DISP1: variants seen among roughly 807,000 people sequenced by gnomAD.
The protein encoded by DISP1 is dispatched RND transporter family member 1, also known as protein dispatched homolog 1.
Under a neutral mutation model 37.3 loss-of-function variants are expected in DISP1, and 30 were observed. That is an observed-to-expected ratio of 0.80 (90% CI 0.60 to 1.09). The LOEUF (loss-of-function observed/expected upper bound fraction) is 1.09, where lower values mean the gene tolerates loss of function less well. Among genes scored for constraint, DISP1 ranks in the 50% least tolerant of loss-of-function variants. The pLI is 0.00. For synonymous variants in DISP1, 634 were observed against 690.2 expected (o/e 0.92, Z 1.28); for missense variants, 1,598 against 1,879.5 (o/e 0.85, Z 2.77).
At chr1:222,820,253 G>A (rs1162354906) in intron 1 of DISP1, among the ~76,000 whole-genome samples, 1 of 152,172 alleles carries the variant, frequency 6.6e-6, no homozygotes, top group Non-Finnish European at 1.5e-5. Flanking sequence ...TTACATTAGG[G>A]GAAGGATGAG....
At chr1:222,888,368 A>G (rs1364369585) in intron 1 of DISP1, among the ~76,000 whole-genome samples, 2 of 152,222 alleles carry the variant, frequency 1.3e-5, no homozygotes, top group Non-Finnish European at 2.9e-5. Flanking sequence ...TATACATTGA[A>G]CAAACCATCT....
chr1:222,908,753 A>G (rs970711243), intron 1 of DISP1, among the ~76,000 whole-genome samples: 1 of 152,272 alleles, frequency 6.6e-6, no homozygotes, highest in Admixed American at 6.5e-5. Flanking sequence ...TACTTTCTTC[A>G]TAACATAAAT....
chr1:222,940,336 C>T (rs1572567832), intron 2 of DISP1, among the ~76,000 whole-genome samples: 2 of 152,026 alleles, frequency 1.3e-5, no homozygotes, highest in Admixed American at 6.5e-5. Context: ...ACATGTGTCA[C>T]ATGCTTTTAA....
intron 1 of DISP1, among the ~76,000 whole-genome samples, chr1:222,862,763 G>A (rs930958892): frequency 2.6e-5 from 4 of 151,996 alleles, no homozygotes; most frequent in Admixed American, 1.3e-4. Context: ...CAACTTATGG[G>A]CTCAGGCAAC....
At chr1:222,950,570 G>A (rs1238101151) in intron 3 of DISP1, among the ~76,000 whole-genome samples, 7 of 151,998 alleles carry the variant, frequency 4.6e-5, no homozygotes, top group South Asian at 4.2e-4. Context: ...ACTGCACTCC[G>A]GCCTCGAGGA....
chr1:222,861,487 A>G (rs1198624866), intron 1 of DISP1, among the ~76,000 whole-genome samples: 2 of 152,212 alleles, frequency 1.3e-5, no homozygotes, highest in Non-Finnish European at 2.9e-5. Flanking sequence ...GAGATTATGT[A>G]ATGTTTAAGA....
chr1:222,976,352 G>C (rs1363439020), intron 3 of DISP1, among the ~76,000 whole-genome samples: 1 of 152,042 alleles, frequency 6.6e-6, no homozygotes, highest in Admixed American at 6.5e-5. Context: ...TGGACTCCCT[G>C]GCTAGCCTCC....
At chr1:222,910,543 A>G (rs1672153654) in intron 1 of DISP1, among the ~76,000 whole-genome samples, 2 of 152,170 alleles carry the variant, frequency 1.3e-5, no homozygotes, top group Non-Finnish European at 2.9e-5. Context: ...ATAATAGTGA[A>G]ATTGATTGAA....
intron 1 of DISP1, among the ~76,000 whole-genome samples, chr1:222,873,910 A>G (rs1027916925): frequency 2.0e-5 from 3 of 152,040 alleles, no homozygotes; most frequent in Admixed American, 6.6e-5. Flanking sequence ...AGTGGCTGGT[A>G]CCGGTTGTTC....
intron 1 of DISP1, among the ~76,000 whole-genome samples, chr1:222,885,171 A>G (rs1328777362): frequency 6.6e-6 from 1 of 152,206 alleles, no homozygotes; most frequent in Non-Finnish European, 1.5e-5. Flanking sequence ...TTCTACATTC[A>G]GTAATTGGAA....
intron 1 of DISP1, among the ~76,000 whole-genome samples, chr1:222,906,626 G>A (rs1450344846): frequency 1.3e-5 from 2 of 152,178 alleles, no homozygotes; most frequent in East Asian, 3.8e-4. Context: ...TCCCACCAGC[G>A]CCATGACAGT....
chr1:222,965,282 TAAG>T (rs1000439040), intron 3 of DISP1, among the ~76,000 whole-genome samples: 1 of 152,228 alleles, frequency 6.6e-6, no homozygotes, highest in African/African-American at 2.4e-5. Context: ...AGAATTATTT[TAAG>T]AATTTTAAAA....
chr1:222,838,288 T>C (rs1667371458), intron 1 of DISP1, among the ~76,000 whole-genome samples: 1 of 152,178 alleles, frequency 6.6e-6, no homozygotes, highest in Admixed American at 6.5e-5. Context: ...TCTTGGAGTT[T>C]ATGGGAAATT....
intron 1 of DISP1, among the ~76,000 whole-genome samples, chr1:222,863,375 C>G (rs1668992708): frequency 6.6e-6 from 1 of 152,004 alleles, no homozygotes. Context: ...CAAAAATTAG[C>G]TGGGCATAGT....
chr1:222,936,806 A>G (rs1288634320), intron 2 of DISP1, among the ~76,000 whole-genome samples: 1 of 54,410 alleles, frequency 1.8e-5, no homozygotes, highest in East Asian at 5.4e-4. Flanking sequence ...TATATTATAT[A>G]TATAAATTAT....
At position 222,972,996 on chromosome 1, in the gene DISP1, C is replaced by T. The variant is rs566611103; in HGVS notation, c.510-10084C>T. ...ATCAAATTACTTGGTATCACTTAAA[C>T]TGGCAGTGAATTAAACAGAATTAAC... On this transcript the variant is annotated intron_variant, in intron 3 of 8. Coordinates refer to ENST00000675850, the MANE Select transcript of DISP1 (RefSeq NM_001377229.1). 7.1e-4 allele frequency among the ~76,000 whole-genome samples: 108 copies of T among 152,276 alleles called. 1 individual carries two copies. The highest frequency in any genetic ancestry group is 1.1e-3 in the Non-Finnish European group (77 of 68,012).
chr1:222,971,102 C>T (rs903483600), intron 3 of DISP1, among the ~76,000 whole-genome samples: 5 of 151,780 alleles, frequency 3.3e-5, no homozygotes, highest in South Asian at 2.1e-4. Flanking sequence ...TTTTTATTAA[C>T]GCTGATTGTT....
chr1:222,919,659 T>G (rs1316424889), intron 1 of DISP1, among the ~76,000 whole-genome samples: 4 of 152,224 alleles, frequency 2.6e-5, no homozygotes, highest in Non-Finnish European at 4.4e-5. Context: ...TAAACAAATT[T>G]CTGAAGCTAG....
chr1:222,949,070 T>TA (rs1205623764), intron 3 of DISP1, among the ~76,000 whole-genome samples: 208 of 152,150 alleles, frequency 1.4e-3, no homozygotes, highest in Non-Finnish European at 2.4e-3. Flanking sequence ...GTGTTTTTTT[T>TA]AAAAAAAAAT....
Sources: gnomAD v4.1 joint callset for allele counts (sites outside exome capture counted in the v4.1 genomes callset) on GRCh38, gnomAD v4.1.1 for gene constraint, MANE v1.5 for transcripts, NCBI Gene and HGNC (gene_info 2026-07-23, HGNC 2026-07-21) for gene names.